ATG14: variants seen among roughly 807,000 people sequenced by gnomAD.
ATG14 encodes beclin 1-associated autophagy-related key regulator.
In ATG14, 35 loss-of-function variants were observed where a neutral mutation model predicts 60.4. The observed-to-expected ratio is 0.58, with a 90% confidence interval of 0.44 to 0.77. The LOEUF is 0.77. Among genes scored for constraint, ATG14 ranks in the 30% least tolerant of loss-of-function variants. ATG14 has a pLI of 0.00. For synonymous variants in ATG14, 234 were observed against 228.8 expected, an observed-to-expected ratio of 1.02 and a Z score of -0.21; for missense variants, 647 against 626.3, an observed-to-expected ratio of 1.03 and a Z score of -0.35.
At position 55,366,917 on chromosome 14, in the gene ATG14, G is replaced by A. The variant is rs545451854; in HGVS notation, c.*2702C>T. ...AAATGTATACTTAAGAGTATTTACAGGGTGGATCCAGTGCAAAATAATGAA... is the reference window on the plus strand; with the variant it reads ...AAATGTATACTTAAGAGTATTTACAAGGTGGATCCAGTGCAAAATAATGAA... On this transcript the variant is annotated 3_prime_UTR_variant, in exon 10 of 10. Transcript: ENST00000247178. 6.5e-6 allele frequency: 1 copy of A among 152,782 alleles called. No individual in the cohort carries two copies. The highest frequency in any genetic ancestry group is 1.5e-5 in the Non-Finnish European group (1 of 68,038). 9.5% of individuals were successfully genotyped at this position (152,782 alleles called of 1,614,324 possible).
intron 9 of ATG14, among the ~76,000 whole-genome samples, chr14:55,376,195 G>A (rs924592588): frequency 2.6e-5 from 4 of 152,196 alleles, no homozygotes; most frequent in Non-Finnish European, 5.9e-5. Flanking sequence ...CATACTAAGC[G>A]TCAGTTTCTC....
intron 1 of ATG14, among the ~76,000 whole-genome samples, chr14:55,401,401 T>TTTG (rs758104250): frequency 1.3e-5 from 2 of 152,164 alleles, no homozygotes; most frequent in East Asian, 1.9e-4. Flanking sequence ...CATACATCTT[T>TTTG]TTGTTGTTGT....
At position 55,366,624 on chromosome 14, in the gene ATG14, C is replaced by G. The variant is rs1050599120; in HGVS notation, c.*2995G>C. On this transcript the variant is annotated 3_prime_UTR_variant, in exon 10 of 10. Coordinates refer to ENST00000247178, the MANE Select transcript of ATG14 (RefSeq NM_014924.5). ...GGTGATATACTGTTTTTCCCCCTTA[C>G]AGATGTGCAAAACTTTTCTTATATT... 7.5e-6 allele frequency: 1 copy of G among 134,010 alleles called. No homozygotes were observed. Among genetic ancestry groups the G allele is most frequent in the Admixed American group, 7.1e-5 (1 of 14,128 alleles). The allele number at this position is 134,010 out of a possible 1,614,324, so 8.3% of individuals were successfully genotyped here.
chr14:55,394,842 G>A (rs1237161913), intron 3 of ATG14: 3 of 310,820 alleles, frequency 9.7e-6, no homozygotes, highest in Non-Finnish European at 1.9e-5. Context: ...CCCAACTACG[G>A]AATGCTAAGC....
chr14:55,376,660 G>A (rs1168044217), intron 9 of ATG14, among the ~76,000 whole-genome samples: 1 of 152,222 alleles, frequency 6.6e-6, no homozygotes, highest in Non-Finnish European at 1.5e-5. Flanking sequence ...GTTAGTGGAC[G>A]AGGCCTCCCC....
chr14:55,410,262 G>C (rs1954098181), intron 1 of ATG14, among the ~76,000 whole-genome samples: 1 of 152,172 alleles, frequency 6.6e-6, no homozygotes, highest in South Asian at 2.1e-4. Context: ...CTTTAGAGAA[G>C]ACTAGGTTGG....
intron 1 of ATG14, among the ~76,000 whole-genome samples, chr14:55,410,801 C>T (rs1039914929): frequency 1.2e-4 from 19 of 152,196 alleles, no homozygotes; most frequent in African/African-American, 3.6e-4. Context: ...GCTCAGAATG[C>T]TAGCTATCTT....
At chr14:55,400,948 T>A (rs1885388627) in intron 1 of ATG14, among the ~76,000 whole-genome samples, 1 of 151,284 alleles carries the variant, frequency 6.6e-6, no homozygotes, top group African/African-American at 2.4e-5. Flanking sequence ...TAAAATAAAA[T>A]AAAATAAAAT....
At chr14:55,398,814 G>A (rs1186469256) in intron 1 of ATG14, among the ~76,000 whole-genome samples, 1 of 151,662 alleles carries the variant, frequency 6.6e-6, no homozygotes, top group Non-Finnish European at 1.5e-5. Context: ...TGGCTACTGA[G>A]TGCCTAAGAT....
chr14:55,382,214 G>T, intron 5 of ATG14, 23 bp from the exon 6 acceptor site: 1 of 1,608,610 alleles, frequency 6.2e-7, no homozygotes, highest in Non-Finnish European at 8.5e-7. Flanking sequence ...AGACACACAC[G>T]GATTTTCAAG....
At position 55,367,238 on chromosome 14, in the gene ATG14, C is replaced by G. The variant is rs532746962; in HGVS notation, c.*2381G>C. The G allele has an allele frequency of 6.6e-6, 1 of 152,342 alleles. No individual in the cohort carries two copies. Among genetic ancestry groups the G allele is most frequent in the East Asian group, 1.9e-4 (1 of 5,188 alleles). The allele number at this position is 152,342 out of a possible 1,614,324, so 9.4% of individuals were successfully genotyped here. ...TGAAGTCAGTCTCCACCACCAAGCTCCAAATCCCACTCTTACAACTCGTGA... is the reference window on the plus strand; with the variant it reads ...TGAAGTCAGTCTCCACCACCAAGCTGCAAATCCCACTCTTACAACTCGTGA... On this transcript the variant is annotated 3_prime_UTR_variant, in exon 10 of 10. Transcript: ENST00000247178.
At position 55,368,561 on chromosome 14, in the gene ATG14, CAGAG is replaced by C. The variant is rs1884737108; in HGVS notation, c.*1054_*1057del. On this transcript the variant is annotated 3_prime_UTR_variant, in exon 10 of 10. Transcript: ENST00000247178. ...ATATTGTGCTTTCCCCAGAACAGAG[CAGAG>C]TAGCATCAGCCGTAAGGATCTGCGC... is the stretch of plus-strand genomic sequence containing the variant. 6.6e-6 allele frequency: 1 copy of C among 152,234 alleles called. No homozygotes were observed. The highest frequency in any genetic ancestry group is 2.4e-5 in the African/African-American group (1 of 41,438). The allele number at this position is 152,234 out of a possible 1,614,324, so 9.4% of individuals were successfully genotyped here. A position where few individuals can be genotyped will look rare whatever the true frequency, so the allele number is the denominator to read the frequency against.
intron 1 of ATG14, among the ~76,000 whole-genome samples, chr14:55,408,871 A>G (rs1451160076): frequency 6.6e-6 from 1 of 152,240 alleles, no homozygotes; most frequent in Non-Finnish European, 1.5e-5. Context: ...TCAACCTTAG[A>G]GTCTAAATTA....
intron 9 of ATG14, among the ~76,000 whole-genome samples, chr14:55,375,814 ATAG>A (rs1268985510): frequency 6.6e-6 from 1 of 152,202 alleles, no homozygotes; most frequent in Non-Finnish European, 1.5e-5. Context: ...CACAGCACTG[ATAG>A]TAGGCATCCT....
At chr14:55,404,745 G>GTA (rs1885462645) in intron 1 of ATG14, among the ~76,000 whole-genome samples, 1 of 152,098 alleles carries the variant, frequency 6.6e-6, no homozygotes, top group Non-Finnish European at 1.5e-5. Flanking sequence ...AGCGCAATCT[G>GTA]TATAACAAAA....
At chr14:55,396,852 C>CCA (rs1330032389) in intron 2 of ATG14, among the ~76,000 whole-genome samples, 1 of 151,858 alleles carries the variant, frequency 6.6e-6, no homozygotes, top group Non-Finnish European at 1.5e-5. Flanking sequence ...CATTCCCCCC[C>CCA]ACAAAAAAAA....
Position 55,369,496 on chromosome 14 carries a change from C to G in ATG14, c.*123G>C. 2 of 1,025,590 alleles carry G rather than the reference C, an allele frequency of 2.0e-6. No homozygotes were observed. The highest frequency in any genetic ancestry group is 2.7e-6 in the Non-Finnish European group (2 of 741,024). The allele number at this position is 1,025,590 out of a possible 1,614,324, so 63.5% of individuals were successfully genotyped here. On this transcript the variant is annotated 3_prime_UTR_variant, in exon 10 of 10. Transcript: ENST00000247178. ...TGTCTCCCTGCTTAAAAAGACAAAA[C>G]AAAACAACACTTTAACCTCTTTGTT...
intron 1 of ATG14, among the ~76,000 whole-genome samples, chr14:55,405,194 C>G (rs759315671): frequency 1.3e-5 from 2 of 152,014 alleles, no homozygotes; most frequent in African/African-American, 4.8e-5. Flanking sequence ...ATTGAATTCT[C>G]AAGACAATAG....
At chr14:55,400,482 T>G (rs1187749170) in intron 1 of ATG14, among the ~76,000 whole-genome samples, 1 of 152,202 alleles carries the variant, frequency 6.6e-6, no homozygotes, top group African/African-American at 2.4e-5. Context: ...ATAATTTATT[T>G]ATATAAACCT....
Sources: allele counts gnomAD v4.1 joint callset (sites outside exome capture counted in the v4.1 genomes callset), GRCh38; gene constraint gnomAD v4.1.1; transcripts MANE v1.5; gene names NCBI Gene and HGNC (gene_info 2026-07-23, HGNC 2026-07-21).